HS6ST3: variants seen among roughly 807,000 people sequenced by gnomAD.
HS6ST3 encodes the protein heparan-sulfate 6-O-sulfotransferase 3.
Under a neutral mutation model 36.7 loss-of-function variants are expected in HS6ST3, and 12 were observed. That is an observed-to-expected ratio of 0.33 (90% confidence interval 0.21 to 0.53). The LOEUF is 0.53. HS6ST3 is among the 20% of genes least tolerant of loss of function. The probability of loss-of-function intolerance (pLI) is 0.95; values close to 1 mark genes in which losing one functional copy is unlikely to be tolerated. For synonymous variants in HS6ST3, 240 were observed against 257.5 expected (o/e 0.93, Z 0.65); for missense variants, 584 against 640.9 (o/e 0.91, Z 0.96).
chr13:96,625,936 G>A (rs534246639), intron 1 of HS6ST3, among the ~76,000 whole-genome samples: 1 of 151,532 alleles, frequency 6.6e-6, no homozygotes, highest in African/African-American at 2.4e-5. Context: ...CGCCTCCCAG[G>A]TTCACGCCAT....
intron 1 of HS6ST3, among the ~76,000 whole-genome samples, chr13:96,478,132 C>T (rs896888502): frequency 6.6e-6 from 1 of 152,100 alleles, no homozygotes; most frequent in African/African-American, 2.4e-5. Context: ...CTCAGTGCCC[C>T]AGGCCTACAA....
chr13:96,796,273 C>T (rs1877904403), intron 1 of HS6ST3, among the ~76,000 whole-genome samples: 1 of 152,024 alleles, frequency 6.6e-6, no homozygotes, highest in African/African-American at 2.4e-5. Flanking sequence ...TCATATTTTC[C>T]TTTTCCACAT....
chr13:96,457,651 CACAT>C (rs1410392037), intron 1 of HS6ST3, among the ~76,000 whole-genome samples: 1 of 152,018 alleles, frequency 6.6e-6, no homozygotes, highest in East Asian at 1.9e-4. Context: ...GCTGGCAAAA[CACAT>C]ACAGATGGGC....
chr13:96,334,926 G>A (rs2055092470), intron 1 of HS6ST3, among the ~76,000 whole-genome samples: 1 of 152,162 alleles, frequency 6.6e-6, no homozygotes, highest in Non-Finnish European at 1.5e-5. Context: ...CATTCTTCAA[G>A]TACCTAGTTG....
chr13:96,174,666 T>C (rs2054204312), intron 1 of HS6ST3, among the ~76,000 whole-genome samples: 1 of 152,254 alleles, frequency 6.6e-6, no homozygotes, highest in African/African-American at 2.4e-5. Flanking sequence ...TAAATTCTTT[T>C]CTAAACTATG....
At chr13:96,208,618 C>T (rs1020790089) in intron 1 of HS6ST3, among the ~76,000 whole-genome samples, 3 of 152,096 alleles carry the variant, frequency 2.0e-5, no homozygotes, top group Admixed American at 1.3e-4. Flanking sequence ...GAATTAGTTA[C>T]TGTATTTTTT....
chr13:96,619,163 A>G (rs2056485112), intron 1 of HS6ST3, among the ~76,000 whole-genome samples: 1 of 152,230 alleles, frequency 6.6e-6, no homozygotes, highest in South Asian at 2.1e-4. Flanking sequence ...ATTGAAGTGT[A>G]TGAATGTAGA....
At chr13:96,590,739 G>C (rs549990108) in intron 1 of HS6ST3, among the ~76,000 whole-genome samples, 3 of 152,008 alleles carry the variant, frequency 2.0e-5, no homozygotes, top group South Asian at 4.1e-4. Context: ...CTATACTTGT[G>C]GGGTATTACT....
chr13:96,417,545 T>C (rs2055539478), intron 1 of HS6ST3, among the ~76,000 whole-genome samples: 1 of 151,782 alleles, frequency 6.6e-6, no homozygotes, highest in Admixed American at 6.6e-5. Flanking sequence ...GGTTTACCAT[T>C]ATCTATAGAG....
chr13:96,591,542 AT>A (rs1448715758), intron 1 of HS6ST3, among the ~76,000 whole-genome samples: 5 of 152,038 alleles, frequency 3.3e-5, no homozygotes, highest in Non-Finnish European at 7.4e-5. Context: ...TTATATGTTG[AT>A]TTTGTATCCT....
chr13:96,574,253 G>C (rs2056312608), intron 1 of HS6ST3: 1 of 427,752 alleles, frequency 2.3e-6, no homozygotes, highest in Non-Finnish European at 4.6e-6. Context: ...CTGGGAGATA[G>C]GGGTCCATGG....
chr13:96,217,630 C>T (rs574038940), intron 1 of HS6ST3, among the ~76,000 whole-genome samples: 1 of 152,278 alleles, frequency 6.6e-6, no homozygotes, highest in South Asian at 2.1e-4. Flanking sequence ...GTCACAGAGA[C>T]GTTTAATAAA....
intron 1 of HS6ST3, among the ~76,000 whole-genome samples, chr13:96,135,008 C>CA (rs1258696778): frequency 6.6e-6 from 1 of 152,184 alleles, no homozygotes; most frequent in Non-Finnish European, 1.5e-5. Flanking sequence ...AGTTTCTCAG[C>CA]ACTGCGCCAC....
In HS6ST3 at chr13:96,312,874, C is replaced by T. The variant is rs190450635; in HGVS notation, c.707+221305C>T. Among the ~76,000 whole-genome samples the T allele has an allele frequency of 4.0e-3, 568 of 142,488 alleles. 2 individuals are homozygous for T. The highest frequency in any genetic ancestry group is 0.014 in the African/African-American group (547 of 37,732). 93.5% of individuals were successfully genotyped at this position (142,488 alleles called of 152,430 possible). On this transcript the variant is annotated intron_variant, in intron 1 of 1. Coordinates refer to ENST00000376705, the MANE Select transcript of HS6ST3 (RefSeq NM_153456.4). ...GGCTCAGGCATGAGAATCGCTTGAACTTGGGGGGCGGAGGTTGCAGTGAGC... is the reference window on the plus strand; with the variant it reads ...GGCTCAGGCATGAGAATCGCTTGAATTTGGGGGGCGGAGGTTGCAGTGAGC...
chr13:96,400,658 C>T (rs1321823516), intron 1 of HS6ST3, among the ~76,000 whole-genome samples: 1 of 151,964 alleles, frequency 6.6e-6, no homozygotes, highest in African/African-American at 2.4e-5. Context: ...AGAGGAGTGA[C>T]AAGAGAGAAG....
intron 1 of HS6ST3, among the ~76,000 whole-genome samples, chr13:96,163,881 G>C (rs1345740306): frequency 6.6e-6 from 1 of 152,104 alleles, no homozygotes; most frequent in Non-Finnish European, 1.5e-5. Context: ...CTTTTTAGTA[G>C]AAGACTTTAG....
intron 1 of HS6ST3, among the ~76,000 whole-genome samples, chr13:96,104,017 T>G (rs537738429): frequency 6.6e-6 from 1 of 152,084 alleles, no homozygotes; most frequent in South Asian, 2.1e-4. Flanking sequence ...AAATTAATAT[T>G]TTAAATTTTG....
intron 1 of HS6ST3, among the ~76,000 whole-genome samples, chr13:96,128,893 T>A (rs952613495): frequency 6.6e-6 from 1 of 152,010 alleles, no homozygotes. Context: ...GTTGCCAGAC[T>A]GGAGTGCATT....
At chr13:96,494,460 T>C (rs1233968318) in intron 1 of HS6ST3, among the ~76,000 whole-genome samples, 4 of 150,280 alleles carry the variant, frequency 2.7e-5, no homozygotes, top group African/African-American at 9.8e-5. Context: ...AGTTAATGGG[T>C]GCAGCACACC....
Sources: gnomAD v4.1 joint callset for allele counts (sites outside exome capture counted in the v4.1 genomes callset) on GRCh38, gnomAD v4.1.1 for gene constraint, MANE v1.5 for transcripts, NCBI Gene and HGNC (gene_info 2026-07-23, HGNC 2026-07-21) for gene names.